Variants in TNFRSF21 observed in about 807,000 individuals in gnomAD.
TNFRSF21 encodes the protein tumor necrosis factor receptor superfamily member 21.
In TNFRSF21, 19 loss-of-function variants were observed where a neutral mutation model predicts 45.6. The observed-to-expected ratio is 0.42, with a 90% CI of 0.29 to 0.61. The LOEUF is 0.61. Ranked by LOEUF, TNFRSF21 falls within the 20% of genes least tolerant of loss-of-function variation. TNFRSF21 has a pLI of 0.23. For missense variants in TNFRSF21, 737 were observed against 851.5 expected (o/e 0.87, Z 1.67); for synonymous variants, 314 against 335.5 (o/e 0.94, Z 0.70).
intron 1 of TNFRSF21, among the ~76,000 whole-genome samples, chr6:47,288,614 C>T (rs116556630): frequency 0.024 from 3,620 of 151,976 alleles, 162 homozygotes; most frequent in African/African-American, 0.084. Context: ...CTGAATAGTT[C>T]TCTTCCTTTC....
At chr6:47,262,341 C>G (rs1379634599) in intron 3 of TNFRSF21, among the ~76,000 whole-genome samples, 1 of 152,280 alleles carries the variant, frequency 6.6e-6, no homozygotes, top group Admixed American at 6.5e-5. Context: ...TCCTGCTTAT[C>G]TTAGTCTGTT....
At chr6:47,304,705 T>C (rs188762132) in intron 1 of TNFRSF21, among the ~76,000 whole-genome samples, 1 of 152,192 alleles carries the variant, frequency 6.6e-6, no homozygotes, top group Non-Finnish European at 1.5e-5. Context: ...CAAGCCTCCC[T>C]TTTTTCCCTT....
chr6:47,297,038 TG>T (rs1046423996), intron 1 of TNFRSF21, among the ~76,000 whole-genome samples: 25 of 152,144 alleles, frequency 1.6e-4, no homozygotes, highest in African/African-American at 6.0e-4. Context: ...CATCAGATAT[TG>T]GGGGCAGTCC....
intron 1 of TNFRSF21, among the ~76,000 whole-genome samples, chr6:47,293,667 T>C (rs938913392): frequency 1.3e-5 from 2 of 152,210 alleles, no homozygotes; most frequent in African/African-American, 4.8e-5. Flanking sequence ...TACTGAGATA[T>C]TGGCTTCCTT....
At chr6:47,270,597 C>A (rs775271768) in intron 3 of TNFRSF21, among the ~76,000 whole-genome samples, 2 of 152,142 alleles carry the variant, frequency 1.3e-5, no homozygotes, top group Non-Finnish European at 2.9e-5. Context: ...AAAATCAGAG[C>A]GCATCTTCTC....
intron 4 of TNFRSF21, among the ~76,000 whole-genome samples, chr6:47,236,648 T>C (rs887142362): frequency 1.3e-5 from 2 of 152,192 alleles, no homozygotes; most frequent in Admixed American, 1.3e-4. Flanking sequence ...TTGGGAAACA[T>C]GCACACCTAG....
chr6:47,278,816 A>T (rs1344842387), intron 3 of TNFRSF21, among the ~76,000 whole-genome samples: 1 of 152,168 alleles, frequency 6.6e-6, no homozygotes, highest in African/African-American at 2.4e-5. Flanking sequence ...GCCCCAACTG[A>T]TTTCGTAATC....
intron 4 of TNFRSF21, among the ~76,000 whole-genome samples, chr6:47,252,970 G>A (rs540606138): frequency 2.0e-5 from 3 of 152,264 alleles, no homozygotes; most frequent in East Asian, 1.9e-4. Flanking sequence ...TACAAATACC[G>A]ATTCACGCTC....
intron 1 of TNFRSF21, among the ~76,000 whole-genome samples, chr6:47,296,619 A>T (rs1368651645): frequency 2.0e-5 from 3 of 152,146 alleles, no homozygotes; most frequent in African/African-American, 7.2e-5. Flanking sequence ...CTGATCACCA[A>T]TGGCCAGTGA....
chr6:47,252,611 A>T (rs1764914676), intron 4 of TNFRSF21, among the ~76,000 whole-genome samples: 1 of 152,230 alleles, frequency 6.6e-6, no homozygotes, highest in Non-Finnish European at 1.5e-5. Flanking sequence ...AAGTTGAAGT[A>T]ACTTACCCTT....
At chr6:47,235,098 G>A (rs1049895520) in intron 4 of TNFRSF21, among the ~76,000 whole-genome samples, 200 bp from the exon 5 acceptor site, 1 of 152,102 alleles carries the variant, frequency 6.6e-6, no homozygotes, top group Non-Finnish European at 1.5e-5. Context: ...GTGAGGATAT[G>A]CATGAGTACT....
chr6:47,245,244 A>G (rs1211523192), intron 4 of TNFRSF21, among the ~76,000 whole-genome samples: 1 of 152,190 alleles, frequency 6.6e-6, no homozygotes, highest in Non-Finnish European at 1.5e-5. Flanking sequence ...TCTGGCTCAC[A>G]TATCTATCCC....
At chr6:47,300,502 C>T (rs1582362755) in intron 1 of TNFRSF21, among the ~76,000 whole-genome samples, 2 of 152,270 alleles carry the variant, frequency 1.3e-5, no homozygotes, top group East Asian at 3.9e-4. Context: ...CACAGAGCTG[C>T]CAGTGAGTTT....
intron 1 of TNFRSF21, among the ~76,000 whole-genome samples, chr6:47,305,887 TCTGA>T (rs1171368653): frequency 6.6e-6 from 1 of 152,214 alleles, no homozygotes; most frequent in African/African-American, 2.4e-5. Context: ...AAGGGGCATC[TCTGA>T]CTAAGTAGTG....
At chr6:47,294,409 T>G (rs917124360) in intron 1 of TNFRSF21, among the ~76,000 whole-genome samples, 1 of 152,250 alleles carries the variant, frequency 6.6e-6, no homozygotes, top group Non-Finnish European at 1.5e-5. Context: ...TCCAAAGTGC[T>G]GGGATTACAG....
intron 3 of TNFRSF21, among the ~76,000 whole-genome samples, chr6:47,269,182 G>A (rs117338833): frequency 2.6e-5 from 4 of 151,410 alleles, no homozygotes; most frequent in East Asian, 1.9e-4. Flanking sequence ...TCCTCTAACC[G>A]TGACTTACAC....
At chr6:47,262,924 A>C (rs1019462317) in intron 3 of TNFRSF21, among the ~76,000 whole-genome samples, 16 of 152,194 alleles carry the variant, frequency 1.1e-4, no homozygotes, top group African/African-American at 3.9e-4. Flanking sequence ...AAATGACACA[A>C]TCTGACTTTA....
At chr6:47,233,843 T>C (rs1023703750) in intron 5 of TNFRSF21, among the ~76,000 whole-genome samples, 3 of 152,046 alleles carry the variant, frequency 2.0e-5, no homozygotes, top group South Asian at 4.1e-4. Flanking sequence ...CTGTCATAAA[T>C]AGTGTATGCT....
At chr6:47,247,495 T>C (rs1308428473) in intron 4 of TNFRSF21, among the ~76,000 whole-genome samples, 1 of 152,158 alleles carries the variant, frequency 6.6e-6, no homozygotes, top group African/African-American at 2.4e-5. Context: ...AAGTCAACAG[T>C]TAATGTACAG....
Sources: allele counts gnomAD v4.1 joint callset (sites outside exome capture counted in the v4.1 genomes callset), GRCh38; gene constraint gnomAD v4.1.1; transcripts MANE v1.5; gene names NCBI Gene and HGNC (gene_info 2026-07-23, HGNC 2026-07-21).